Variants in TENM4 observed in about 807,000 individuals in gnomAD.
TENM4 encodes the protein teneurin-4.
In TENM4, 82 loss-of-function variants were observed where a neutral mutation model predicts 243.3. The ratio of observed to expected loss-of-function variants is 0.34; its 90% CI spans 0.28 to 0.40. The LOEUF (loss-of-function observed/expected upper bound fraction) is 0.40, where lower values mean the gene tolerates loss of function less well. TENM4 is among the 10% of genes least tolerant of loss of function. The pLI, the probability that TENM4 is intolerant of heterozygous loss-of-function variation, is 1.00. For missense variants in TENM4, 3,138 were observed against 3,673.3 expected (o/e 0.85, Z 3.77); for synonymous variants, 1,412 against 1,456.3 (o/e 0.97, Z 0.69).
intron 15 of TENM4, among the ~76,000 whole-genome samples, chr11:78,788,116 T>A (rs1160448892): frequency 5.3e-5 from 8 of 152,220 alleles, no homozygotes; most frequent in Admixed American, 3.3e-4. Context: ...AGCTGGCACC[T>A]CTGTCAAGGT....
chr11:78,847,137 T>A lies in TENM4; in HGVS notation c.1681+6967A>T, dbSNP rs1268875758. Among the ~76,000 whole-genome samples, 29 of 152,156 alleles carry A rather than the reference T, an allele frequency of 1.9e-4. 1 individual carries two copies. Among genetic ancestry groups the A allele is most frequent in the Admixed American group, 1.9e-3 (29 of 15,278 alleles). On this transcript the variant is annotated intron_variant, in intron 12 of 33. Transcript: ENST00000278550. Reference sequence around the variant, plus strand: ...TAGCAAGCATAAAAACAGCAGCCCATCTCCTAGACAAAAAGTGTGCACCAG... The same window carrying A: ...TAGCAAGCATAAAAACAGCAGCCCAACTCCTAGACAAAAAGTGTGCACCAG...
At chr11:78,777,442 C>T (rs1305960626) in intron 17 of TENM4, among the ~76,000 whole-genome samples, 1 of 152,174 alleles carries the variant, frequency 6.6e-6, no homozygotes, top group Non-Finnish European at 1.5e-5. Flanking sequence ...CCAATTTAGC[C>T]TTTTCCTTTA....
intron 4 of TENM4, among the ~76,000 whole-genome samples, chr11:79,079,278 T>C (rs144406071): frequency 6.6e-6 from 1 of 152,248 alleles, no homozygotes; most frequent in African/African-American, 2.4e-5. Context: ...AGAGGCCAGG[T>C]ATCAAAGGGC....
Position 78,783,699 on chromosome 11 carries a change from G to A in TENM4, c.2365+3199C>T, listed in dbSNP as rs537778231. Reference sequence around the variant, plus strand: ...GGATTGAATGTGAAATATTTTTGCTGTTTGACAAAAATACTGTCATTGAAG... The same window carrying A: ...GGATTGAATGTGAAATATTTTTGCTATTTGACAAAAATACTGTCATTGAAG... On this transcript the variant is annotated intron_variant, in intron 16 of 33. Coordinates refer to ENST00000278550, the MANE Select transcript of TENM4 (RefSeq NM_001098816.3). 4.6e-5 allele frequency among the ~76,000 whole-genome samples: 7 copies of A among 152,350 alleles called. No homozygotes were observed. The South Asian group carries it at 1.2e-3, about 27-fold the overall frequency.
chr11:79,157,221 A>G (rs1862641543), intron 3 of TENM4, among the ~76,000 whole-genome samples: 1 of 152,126 alleles, frequency 6.6e-6, no homozygotes, highest in Non-Finnish European at 1.5e-5. Context: ...ATGCAATAAG[A>G]CAAGCCATAA....
At chr11:79,174,554 G>T (rs767884679) in intron 3 of TENM4, among the ~76,000 whole-genome samples, 41 of 152,094 alleles carry the variant, frequency 2.7e-4, no homozygotes, top group Non-Finnish European at 5.1e-4. Context: ...TCTGTGCCCT[G>T]CAAGGCTGCT....
chr11:79,093,011 A>G (rs1860996889), intron 4 of TENM4: 1 of 152,262 alleles, frequency 6.6e-6, no homozygotes, highest in African/African-American at 2.4e-5. Context: ...GGTAAGTTGC[A>G]CAATGCTATA....
At chr11:78,865,102 CAGA>C (rs1858936173) in intron 9 of TENM4, among the ~76,000 whole-genome samples, 1 of 152,104 alleles carries the variant, frequency 6.6e-6, no homozygotes, top group Non-Finnish European at 1.5e-5. Flanking sequence ...TATTAAGGCT[CAGA>C]AGGTTAATTA....
chr11:78,705,091 C>G (rs2135780279), intron 27 of TENM4, among the ~76,000 whole-genome samples: 1 of 152,372 alleles, frequency 6.6e-6, no homozygotes, highest in East Asian at 1.9e-4. Flanking sequence ...GCATCAGGAA[C>G]ACAGTTTGCT....
chr11:78,872,831 AT>A (rs924485307), intron 9 of TENM4, among the ~76,000 whole-genome samples: 1 of 152,044 alleles, frequency 6.6e-6, no homozygotes, highest in Non-Finnish European at 1.5e-5. Context: ...CATGCAACTG[AT>A]TTTTTTCATG....
chr11:79,014,236 C>G (rs1858717326), intron 6 of TENM4, among the ~76,000 whole-genome samples: 1 of 152,168 alleles, frequency 6.6e-6, no homozygotes, highest in Admixed American at 6.5e-5. Context: ...ATGTTGTCAT[C>G]ATGATGCTTG....
intron 1 of TENM4, among the ~76,000 whole-genome samples, chr11:79,416,240 C>A (rs1472214611): frequency 6.6e-6 from 1 of 152,178 alleles, no homozygotes; most frequent in East Asian, 1.9e-4. Context: ...GCTTTCACTT[C>A]CCTGGGGTAA....
chr11:79,044,918 T>C (rs1859622198), intron 6 of TENM4, among the ~76,000 whole-genome samples: 1 of 152,178 alleles, frequency 6.6e-6, no homozygotes. Context: ...GGGTTGTTTT[T>C]TTAAAGTATG....
chr11:79,283,347 C>T (rs1039978576), intron 2 of TENM4, among the ~76,000 whole-genome samples: 2 of 151,702 alleles, frequency 1.3e-5, no homozygotes, highest in African/African-American at 2.4e-5. Flanking sequence ...TCCAACAACA[C>T]GTAAAAAGAA....
intron 33 of TENM4, among the ~76,000 whole-genome samples, chr11:78,660,620 C>CT (rs1391773238): frequency 1.3e-5 from 2 of 152,162 alleles, no homozygotes; most frequent in African/African-American, 4.8e-5. Context: ...TGGCAACCTG[C>CT]TTTCCTCCTT....
intron 27 of TENM4, among the ~76,000 whole-genome samples, chr11:78,706,317 C>T (rs1859246860): frequency 6.6e-6 from 1 of 152,198 alleles, no homozygotes; most frequent in Admixed American, 6.5e-5. Flanking sequence ...CTTCTCTGCT[C>T]TGTGCCTCTC....
At chr11:78,921,015 G>A (rs1004316) in intron 6 of TENM4, among the ~76,000 whole-genome samples, 6,880 of 152,224 alleles carry the variant, frequency 0.045, 487 homozygotes, top group African/African-American at 0.15. Context: ...TTCATTTCAC[G>A]AATGAGGAAA....
chr11:78,792,944 G>A (rs1857087802), intron 15 of TENM4, among the ~76,000 whole-genome samples: 1 of 152,156 alleles, frequency 6.6e-6, no homozygotes, highest in African/African-American at 2.4e-5. Flanking sequence ...GGAAGGGGGT[G>A]AACACACGAG....
intron 15 of TENM4, among the ~76,000 whole-genome samples, chr11:78,802,515 G>A (rs1857300535): frequency 6.6e-6 from 1 of 152,238 alleles, no homozygotes; most frequent in South Asian, 2.1e-4. Flanking sequence ...GCTTCCAGAG[G>A]TGAAGTGACA....
Sources: gnomAD v4.1 joint callset for allele counts (sites outside exome capture counted in the v4.1 genomes callset) on GRCh38, gnomAD v4.1.1 for gene constraint, MANE v1.5 for transcripts, NCBI Gene and HGNC (gene_info 2026-07-23, HGNC 2026-07-21) for gene names.